Variants in DAPK1 observed in about 807,000 individuals in gnomAD.
The protein encoded by DAPK1 is death-associated protein kinase 1.
In DAPK1, 56 loss-of-function variants were observed where a neutral mutation model predicts 144.9. The ratio of observed to expected loss-of-function variants is 0.39; its 90% CI spans 0.31 to 0.48. The LOEUF is 0.48. Ranked by LOEUF, DAPK1 falls within the 20% of genes least tolerant of loss-of-function variation. The probability of loss-of-function intolerance (pLI) is 0.95; values close to 1 mark genes in which losing one functional copy is unlikely to be tolerated. For missense variants in DAPK1, 1,454 were observed against 1,875.4 expected (o/e 0.78, Z 4.15); for synonymous variants, 690 against 749.0 (o/e 0.92, Z 1.29).
chr9:87,662,799 A>G (rs1260106627), intron 18 of DAPK1, among the ~76,000 whole-genome samples: 5 of 151,944 alleles, frequency 3.3e-5, no homozygotes, highest in Admixed American at 1.3e-4. Context: ...CTCTTTTCCA[A>G]TTTGGATGCC....
At chr9:87,696,367 ATGCTG>A (rs1564075679) in intron 21 of DAPK1, among the ~76,000 whole-genome samples, 1 of 152,220 alleles carries the variant, frequency 6.6e-6, no homozygotes, top group Admixed American at 6.5e-5. Flanking sequence ...ATGGATATAC[ATGCTG>A]TAGATATGTA....
At chr9:87,645,782 T>C (rs1384926403) in intron 11 of DAPK1, 113 bp from the exon 12 acceptor site, 1 of 1,395,210 alleles carries the variant, frequency 7.2e-7, no homozygotes, top group Non-Finnish European at 9.8e-7. Flanking sequence ...AGTAAATGGC[T>C]TACTTTCCTC....
In DAPK1 at chr9:87,686,881, A is replaced by G; in HGVS notation, c.2413+142A>G. On this transcript the variant is annotated intron_variant, in intron 21 of 25. Coordinates refer to ENST00000408954, the MANE Select transcript of DAPK1 (RefSeq NM_004938.4). This position sits in a 1 kb window ranked among gnomAD's most constrained non-coding sequence, Gnocchi z 4.2. Reference sequence around the variant, plus strand: ...CACAGACTGATATTCAGAGTGAGCCAGGACTGAAGCATGGCTGGCTACCAT... The same window carrying G: ...CACAGACTGATATTCAGAGTGAGCCGGGACTGAAGCATGGCTGGCTACCAT... 7.0e-7 allele frequency: 1 copy of G among 1,422,156 alleles called. No individual in the cohort carries two copies. Among genetic ancestry groups the G allele is most frequent in the South Asian group, 1.5e-5 (1 of 66,850 alleles). 88.1% of individuals were successfully genotyped at this position (1,422,156 alleles called of 1,614,324 possible).
At chr9:87,670,166 G>A (rs769670235) in intron 19 of DAPK1, among the ~76,000 whole-genome samples, 3 of 151,990 alleles carry the variant, frequency 2.0e-5, no homozygotes, top group East Asian at 1.9e-4. Flanking sequence ...AAACCTTTTC[G>A]TTTACAGGCA....
intron 18 of DAPK1, among the ~76,000 whole-genome samples, chr9:87,665,965 C>T (rs13285155): frequency 0.11 from 17,114 of 152,180 alleles, 1,135 homozygotes; most frequent in East Asian, 0.26. Context: ...TCCATGAGCC[C>T]TGTTGGTAAG....
At chr9:87,656,324 G>A (rs1415814639) in intron 17 of DAPK1, among the ~76,000 whole-genome samples, 2 of 152,112 alleles carry the variant, frequency 1.3e-5, no homozygotes, top group Admixed American at 1.3e-4. Flanking sequence ...TTAAGGCTAA[G>A]GGGTTTGGTG....
At chr9:87,515,036 C>A (rs1824994743) in intron 2 of DAPK1, among the ~76,000 whole-genome samples, 1 of 152,194 alleles carries the variant, frequency 6.6e-6, no homozygotes, top group African/African-American at 2.4e-5. Flanking sequence ...GCTGGAGAAC[C>A]CGAGTATCTC....
chr9:87,624,033 C>G (rs36209083), intron 3 of DAPK1, among the ~76,000 whole-genome samples: 3,610 of 152,264 alleles, frequency 0.024, 158 homozygotes, highest in African/African-American at 0.083. Flanking sequence ...TTCTGAGATT[C>G]TATTGCTACA....
intron 18 of DAPK1, among the ~76,000 whole-genome samples, chr9:87,662,573 T>TGTTTGTTTG (rs1564056419): frequency 1.4e-5 from 2 of 140,076 alleles, no homozygotes; most frequent in African/African-American, 5.3e-5. Context: ...TTTTTTTTTT[T>TGTTTGTTTG]TTTTTTTTTT....
rs375380007 is a variant in DAPK1, at chr9:87,650,090, A to G, written c.1598A>G (p.His533Arg). 8 of 1,613,948 alleles carry G rather than the reference A, an allele frequency of 5.0e-6. No homozygotes were observed. The African/African-American group carries it at 5.3e-5, about 11-fold the overall frequency. The change falls in exon 16 of 26, where the codon CAT (histidine) becomes CGT (arginine). Residue 533 changes from histidine (H) to arginine (R), a missense_variant. Coordinates refer to ENST00000408954, the MANE Select transcript of DAPK1 (RefSeq NM_004938.4). ...GACATCGTGGAGTGTCTGGCCGAAC[A>G]TGGAGCCGACCTTAATGCTTGCGAC... is the stretch of plus-strand genomic sequence containing the variant. ...YHDIVECLAE[H>R]GADLNACDKD...
intron 1 of DAPK1, chr9:87,498,498 G>A: frequency 4.0e-6 from 1 of 248,254 alleles, no homozygotes; most frequent in East Asian, 7.8e-5. Context: ...GGGAGAGGGT[G>A]GCCACGGTGT....
chr9:87,625,917 T>C (rs1829474025), intron 3 of DAPK1, among the ~76,000 whole-genome samples: 1 of 152,126 alleles, frequency 6.6e-6, no homozygotes, highest in Non-Finnish European at 1.5e-5. Flanking sequence ...CCAGAATATG[T>C]AAGGAGTACC....
chr9:87,635,742 C>T (rs943993876), intron 3 of DAPK1, among the ~76,000 whole-genome samples: 1 of 152,210 alleles, frequency 6.6e-6, no homozygotes, highest in Non-Finnish European at 1.5e-5. Context: ...TCTTATGACT[C>T]CTCTTTGGGG....
At chr9:87,633,811 A>T (rs1422540664) in intron 3 of DAPK1, among the ~76,000 whole-genome samples, 5 of 152,320 alleles carry the variant, frequency 3.3e-5, no homozygotes, top group African/African-American at 1.2e-4. Context: ...CTATGTAAAA[A>T]ACTATCCCAG....
chr9:87,611,851 TCTTTTGAGAGG>T (rs1476048721), intron 3 of DAPK1, among the ~76,000 whole-genome samples: 2 of 152,212 alleles, frequency 1.3e-5, no homozygotes, highest in Non-Finnish European at 2.9e-5. Flanking sequence ...TCTGGGTTCA[TCTTTTGAGAGG>T]CTGTGCTCCC....
At chr9:87,677,206 G>C (rs1824422281) in intron 19 of DAPK1, among the ~76,000 whole-genome samples, 1 of 152,196 alleles carries the variant, frequency 6.6e-6, no homozygotes, top group South Asian at 2.1e-4. Flanking sequence ...CAGGCAGATT[G>C]CCAGGAGCTT....
chr9:87,624,380 C>G (rs1829416632), intron 3 of DAPK1, among the ~76,000 whole-genome samples: 1 of 152,214 alleles, frequency 6.6e-6, no homozygotes, highest in African/African-American at 2.4e-5. Flanking sequence ...CAGCTGAGAC[C>G]TAAGGTCAGG....
At chr9:87,563,714 G>A (rs940455824) in intron 2 of DAPK1, among the ~76,000 whole-genome samples, 1 of 152,220 alleles carries the variant, frequency 6.6e-6, no homozygotes, top group African/African-American at 2.4e-5. Flanking sequence ...CAGCCCACCA[G>A]CCAGCACCTC....
rs190698985 is a variant in DAPK1, at chr9:87,687,825, T to G, written c.2413+1086T>G. On this transcript the variant is annotated intron_variant, in intron 21 of 25. Coordinates refer to ENST00000408954, the MANE Select transcript of DAPK1 (RefSeq NM_004938.4). ...TTCTGCTATTTTTTTTTTGTCTTTT[T>G]AATAATAGCCATTCTGATTGGTGTA... Among the ~76,000 whole-genome samples the G allele has an allele frequency of 2.6e-5, 4 of 152,254 alleles. No individual in the cohort carries two copies. The East Asian group carries it at 7.7e-4, about 29-fold the overall frequency.
Sources: allele counts gnomAD v4.1 joint callset (sites outside exome capture counted in the v4.1 genomes callset), GRCh38; gene constraint gnomAD v4.1.1; non-coding constraint Gnocchi (gnomAD v3.1); transcripts MANE v1.5; gene names NCBI Gene and HGNC (gene_info 2026-07-23, HGNC 2026-07-21).